Variants in FRMD5 observed in about 807,000 individuals in gnomAD.
FRMD5 encodes the protein FERM domain-containing protein 5.
FRMD5 carries 20 observed loss-of-function variants against 69.0 expected under a neutral mutation model. The ratio of observed to expected loss-of-function variants is 0.29; its 90% confidence interval spans 0.20 to 0.42. The LOEUF (loss-of-function observed/expected upper bound fraction) is 0.42, where lower values mean the gene tolerates loss of function less well. Among genes scored for constraint, FRMD5 ranks in the 10% least tolerant of loss-of-function variants. The probability of loss-of-function intolerance (pLI) is 1.00; values close to 1 mark genes in which losing one functional copy is unlikely to be tolerated. For missense variants in FRMD5, 595 were observed against 708.6 expected (o/e 0.84, Z 1.82); for synonymous variants, 271 against 260.1 (o/e 1.04, Z -0.40).
rs139569623 is a variant in FRMD5, at chr15:44,111,853, CT to C, written c.102+83099del. ...ATTTGTTGAATACTTCTCTCTTTTC[CT>C]TTTTTTTTTTTTCTGAGACAGAGTC... On this transcript the variant is annotated intron_variant, in intron 1 of 13. Transcript: ENST00000417257. Among the ~76,000 whole-genome samples the C allele has an allele frequency of 7.1e-3, 1,034 of 144,922 alleles. 8 individuals are homozygous for C. Among genetic ancestry groups the C allele is most frequent in the South Asian group, 0.03 (136 of 4,590 alleles).
intron 1 of FRMD5, among the ~76,000 whole-genome samples, chr15:43,929,529 T>C (rs775658782): frequency 2.6e-5 from 4 of 152,196 alleles, no homozygotes; most frequent in Non-Finnish European, 5.9e-5. Context: ...CCTGGCTACA[T>C]GCTATGACCT....
At chr15:43,916,625 T>C (rs954300326) in intron 4 of FRMD5, among the ~76,000 whole-genome samples, 7 of 152,128 alleles carry the variant, frequency 4.6e-5, no homozygotes, top group African/African-American at 1.7e-4. Context: ...GTTAGAGAGG[T>C]TAAGTATCTT....
Position 43,985,003 on chromosome 15 carries a change from G to A in FRMD5, c.103-60694C>T, listed in dbSNP as rs144261436. Among the ~76,000 whole-genome samples the A allele has an allele frequency of 2.6e-4, 39 of 150,544 alleles. No homozygotes were observed. In the East Asian group the frequency reaches 5.7e-3, roughly 22 times the overall value. ...TCTAGAAAAAAAAAAAAACAAGGCC[G>A]GGCACGGTGGCTCACGCCTGTAATT... On this transcript the variant is annotated intron_variant, in intron 1 of 13. Transcript: ENST00000417257.
intron 1 of FRMD5, among the ~76,000 whole-genome samples, chr15:43,948,515 T>A (rs1011218904): frequency 2.6e-5 from 4 of 152,246 alleles, no homozygotes; most frequent in Non-Finnish European, 4.4e-5. Flanking sequence ...TTCTATTAAA[T>A]GTCAAATCCT....
intron 1 of FRMD5, among the ~76,000 whole-genome samples, chr15:43,944,889 G>A (rs1173576172): frequency 6.6e-6 from 1 of 151,894 alleles, no homozygotes; most frequent in Non-Finnish European, 1.5e-5. Context: ...AGCTGCTGTG[G>A]CTATCCCAAG....
chr15:43,958,131 T>C (rs955829129), intron 1 of FRMD5, among the ~76,000 whole-genome samples: 14 of 152,336 alleles, frequency 9.2e-5, no homozygotes, highest in Non-Finnish European at 1.9e-4. Flanking sequence ...TTTTCTTAAT[T>C]AAAGAAGCAC....
rs755914658 is a variant in FRMD5, at chr15:44,194,996, G to T, written c.59C>A (p.Thr20Asn). 2 of 1,561,974 alleles carry T rather than the reference G, an allele frequency of 1.3e-6. No individual in the cohort carries two copies. The highest frequency in any genetic ancestry group is 1.4e-5 in the African/African-American group (1 of 72,086). ...SRSLEREYSC[T>N]VRLLDDSEYT... ...CTCGCTGTCGTCCAGCAGCCGCACG[G>T]TGCAGCTGTACTCGCGCTCCAGGCT... The change falls in exon 1 of 14, where the codon ACC becomes AAC. Residue 20 changes from threonine to asparagine, a missense_variant. By Grantham distance (65) the Thr-to-Asn change is moderately conservative (BLOSUM62 0). Coordinates refer to ENST00000417257, the MANE Select transcript of FRMD5 (RefSeq NM_032892.5).
chr15:44,091,168 A>C (rs1419869248), intron 1 of FRMD5, among the ~76,000 whole-genome samples: 2 of 152,234 alleles, frequency 1.3e-5, no homozygotes, highest in Non-Finnish European at 2.9e-5. Context: ...GGAAATACTT[A>C]AGTATTTTTC....
At chr15:43,972,081 T>A (rs955907955) in intron 1 of FRMD5, among the ~76,000 whole-genome samples, 5 of 147,588 alleles carry the variant, frequency 3.4e-5, no homozygotes, top group African/African-American at 4.9e-5. Flanking sequence ...TATAAATATA[T>A]ATATATATAA....
intron 1 of FRMD5, among the ~76,000 whole-genome samples, chr15:44,105,561 T>C (rs1020977676): frequency 6.6e-6 from 1 of 152,330 alleles, no homozygotes; most frequent in Non-Finnish European, 1.5e-5. Flanking sequence ...ATCAGTTAGA[T>C]TTAAATGGTG....
At chr15:44,136,428 T>G (rs930184094) in intron 1 of FRMD5, among the ~76,000 whole-genome samples, 1 of 152,200 alleles carries the variant, frequency 6.6e-6, no homozygotes, top group Admixed American at 6.5e-5. Context: ...AATATTTTTA[T>G]TCTATAAATT....
At chr15:44,174,864 A>G (rs916589931) in intron 1 of FRMD5, among the ~76,000 whole-genome samples, 1 of 152,066 alleles carries the variant, frequency 6.6e-6, no homozygotes, top group Non-Finnish European at 1.5e-5. Flanking sequence ...ATGAGAACAC[A>G]TGGACACAGG....
chr15:43,935,604 C>A (rs561082168), intron 1 of FRMD5, among the ~76,000 whole-genome samples: 1 of 152,248 alleles, frequency 6.6e-6, no homozygotes, highest in African/African-American at 2.4e-5. Context: ...ATGGTCCAGG[C>A]TTTGCAGTGT....
At chr15:44,186,815 G>A (rs977425582) in intron 1 of FRMD5, among the ~76,000 whole-genome samples, 7 of 152,186 alleles carry the variant, frequency 4.6e-5, no homozygotes, top group Non-Finnish European at 7.3e-5. Flanking sequence ...CCCAAATGCC[G>A]AACAGTGCTT....
chr15:44,085,333 T>C (rs1164125983), intron 1 of FRMD5, among the ~76,000 whole-genome samples: 3 of 152,128 alleles, frequency 2.0e-5, no homozygotes, highest in Non-Finnish European at 4.4e-5. Context: ...CTTATTTCTG[T>C]CAATAGGGTA....
chr15:44,159,870 C>A (rs1397239727), intron 1 of FRMD5, among the ~76,000 whole-genome samples: 1 of 152,204 alleles, frequency 6.6e-6, no homozygotes, highest in Non-Finnish European at 1.5e-5. Context: ...CCAGCACTAT[C>A]ACCCAGACAA....
chr15:44,037,211 C>T (rs1340900735), intron 1 of FRMD5, among the ~76,000 whole-genome samples: 1 of 152,012 alleles, frequency 6.6e-6, no homozygotes, highest in Non-Finnish European at 1.5e-5. Flanking sequence ...TTGTTCACCT[C>T]CCACTTATGA....
intron 1 of FRMD5, among the ~76,000 whole-genome samples, chr15:44,104,396 G>T (rs2140542039): frequency 6.6e-6 from 1 of 152,204 alleles, no homozygotes; most frequent in Middle Eastern, 3.4e-3. Context: ...TAGCTTAAGT[G>T]TACAGTGTTT....
In FRMD5 at chr15:44,057,109, C is replaced by T. The variant is rs995081273; in HGVS notation, c.103-132800G>A. The stretch of plus-strand genomic sequence containing the variant: ...GAGGAGATGGGCAGATAAATTCCCT[C>T]TCCCTCTTTGCTCTTATGAACTGTT... On this transcript the variant is annotated intron_variant, in intron 1 of 13. Transcript: ENST00000417257. Among the ~76,000 whole-genome samples the T allele has an allele frequency of 2.7e-5, 4 of 150,680 alleles. No homozygotes were observed. In the Admixed American group the frequency reaches 2.7e-4, roughly 10 times the overall value.
Sources: allele counts gnomAD v4.1 joint callset (sites outside exome capture counted in the v4.1 genomes callset), GRCh38; gene constraint gnomAD v4.1.1; transcripts MANE v1.5; gene names NCBI Gene and HGNC (gene_info 2026-07-23, HGNC 2026-07-21).